The following GPC5 variants were observed in gnomAD, a reference collection of about 807,000 sequenced individuals.
GPC5 encodes glypican 5, also known as glypican-5.
In GPC5, 47 loss-of-function variants were observed where a neutral mutation model predicts 53.9. The observed-to-expected ratio is 0.87, with a 90% confidence interval of 0.69 to 1.11. GPC5 has a LOEUF of 1.11. Ranked by LOEUF, GPC5 falls within the 50% of genes most tolerant of loss-of-function variation. The pLI, the probability that GPC5 is intolerant of heterozygous loss-of-function variation, is 0.00. For synonymous variants in GPC5, 286 were observed against 263.3 expected, an observed-to-expected ratio of 1.09 and a Z score of -0.84; for missense variants, 748 against 713.1, an observed-to-expected ratio of 1.05 and a Z score of -0.56.
At chr13:91,770,765 C>G (rs2037610715) in intron 5 of GPC5, among the ~76,000 whole-genome samples, 1 of 146,846 alleles carries the variant, frequency 6.8e-6, no homozygotes, top group Admixed American at 6.9e-5. Context: ...TCTTATTTCA[C>G]ACAAGCAAAG....
At chr13:91,404,661 A>G (rs1258613086) in intron 1 of GPC5, among the ~76,000 whole-genome samples, 1 of 152,224 alleles carries the variant, frequency 6.6e-6, no homozygotes, top group Non-Finnish European at 1.5e-5. Flanking sequence ...GATTAGTTGC[A>G]TCAGGGCCAC....
chr13:92,660,745 T>TAA (rs1886313642), intron 7 of GPC5, among the ~76,000 whole-genome samples: 1 of 152,136 alleles, frequency 6.6e-6, no homozygotes, highest in South Asian at 2.1e-4. Context: ...AACAGATCTC[T>TAA]TAGTCTACAT....
intron 7 of GPC5, among the ~76,000 whole-genome samples, chr13:92,306,014 C>G (rs148156688): frequency 2.0e-5 from 3 of 152,130 alleles, no homozygotes; most frequent in Admixed American, 6.5e-5. Flanking sequence ...TGGGAAAGTA[C>G]GTGGACTGAG....
At chr13:92,292,028 C>A (rs2043000400) in intron 7 of GPC5, among the ~76,000 whole-genome samples, 1 of 152,320 alleles carries the variant, frequency 6.6e-6, no homozygotes, top group East Asian at 1.9e-4. Context: ...TCAGTGAGAC[C>A]AAGAACCCAC....
intron 7 of GPC5, among the ~76,000 whole-genome samples, chr13:92,612,442 G>A (rs1300358097): frequency 6.6e-6 from 1 of 151,982 alleles, no homozygotes; most frequent in Non-Finnish European, 1.5e-5. Context: ...TTATACATAT[G>A]ATATAAATAA....
At chr13:92,488,705 C>T (rs1429290120) in intron 7 of GPC5, among the ~76,000 whole-genome samples, 2 of 152,208 alleles carry the variant, frequency 1.3e-5, no homozygotes, top group Non-Finnish European at 2.9e-5. Context: ...TCAGAATTCA[C>T]AGCGATACTG....
intron 2 of GPC5, among the ~76,000 whole-genome samples, chr13:91,504,631 A>T (rs75630031): frequency 0.02 from 2,986 of 152,290 alleles, 36 homozygotes; most frequent in Non-Finnish European, 0.03. Context: ...ATAACCTTAA[A>T]TAATAAGACA....
intron 6 of GPC5, among the ~76,000 whole-genome samples, chr13:92,065,809 T>G (rs1431019920): frequency 1.3e-5 from 2 of 152,154 alleles, no homozygotes; most frequent in African/African-American, 4.8e-5. Context: ...TCAAAAATAT[T>G]TGTTGAAATT....
chr13:91,408,905 A>T (rs957545708), intron 1 of GPC5, among the ~76,000 whole-genome samples: 48 of 152,138 alleles, frequency 3.2e-4, no homozygotes, highest in African/African-American at 1.1e-3. Flanking sequence ...AATCTAGTTC[A>T]TGATTTCTTC....
chr13:92,083,390 A>G (rs575345633), intron 6 of GPC5, among the ~76,000 whole-genome samples: 1 of 152,308 alleles, frequency 6.6e-6, no homozygotes, highest in East Asian at 1.9e-4. Context: ...AGTAAGGTCT[A>G]GGTGACCTTT....
At chr13:91,962,221 T>TTG (rs1199219484) in intron 6 of GPC5, among the ~76,000 whole-genome samples, 1 of 152,098 alleles carries the variant, frequency 6.6e-6, no homozygotes, top group African/African-American at 2.4e-5. Context: ...AGCTCCTGGG[T>TTG]GGCATGGCAG....
At chr13:91,761,455 T>C (rs968342884) in intron 5 of GPC5, among the ~76,000 whole-genome samples, 5 of 152,098 alleles carry the variant, frequency 3.3e-5, no homozygotes, top group Non-Finnish European at 1.5e-5. Context: ...TCCCACAGGC[T>C]GGGAGCTCAG....
In GPC5 at chr13:91,693,560, T is replaced by C. The variant is rs1161521048; in HGVS notation, c.699T>C (p.Ile233=). ...RTFLQALNLG[I]EVINTTDYLH... Reference sequence around the variant, plus strand: ...TTCTGCAGGCACTCAATCTGGGCATTGAAGTCATCAACACCACAGACTATC... The same window carrying C: ...TTCTGCAGGCACTCAATCTGGGCATCGAAGTCATCAACACCACAGACTATC... The change falls in exon 3 of 8, where the codon ATT becomes ATC. Residue 233 remains isoleucine (I), a synonymous_variant. Transcript: ENST00000377067. 2 of 1,613,910 alleles carry C rather than the reference T, an allele frequency of 1.2e-6. No homozygotes were observed. The highest frequency in any genetic ancestry group is 3.3e-5 in the Admixed American group (2 of 59,986).
At chr13:92,312,719 A>G (rs1226013642) in intron 7 of GPC5, among the ~76,000 whole-genome samples, 1 of 152,138 alleles carries the variant, frequency 6.6e-6, no homozygotes, top group Non-Finnish European at 1.5e-5. Flanking sequence ...ATTAGAAAAA[A>G]AGAATTGTCT....
intron 7 of GPC5, among the ~76,000 whole-genome samples, chr13:92,341,493 T>G (rs996949723): frequency 1.3e-5 from 2 of 152,166 alleles, no homozygotes; most frequent in Non-Finnish European, 2.9e-5. Flanking sequence ...GTGAATAATT[T>G]CAAAGTAATG....
intron 7 of GPC5, among the ~76,000 whole-genome samples, chr13:92,383,472 T>C (rs947478539): frequency 3.9e-5 from 6 of 152,224 alleles, no homozygotes; most frequent in Non-Finnish European, 8.8e-5. Flanking sequence ...TTATTTAATT[T>C]TGCATACCTG....
At chr13:92,732,790 T>C (rs1888841684) in intron 7 of GPC5, among the ~76,000 whole-genome samples, 1 of 151,684 alleles carries the variant, frequency 6.6e-6, no homozygotes, top group Admixed American at 6.6e-5. Context: ...ACCGCTTCGA[T>C]GTCTCTACTG....
At chr13:91,478,824 C>CAT (rs36188475) in intron 2 of GPC5, among the ~76,000 whole-genome samples, 12 of 77,912 alleles carry the variant, frequency 1.5e-4, no homozygotes, top group East Asian at 5.1e-4. Context: ...TATATATATA[C>CAT]ACACACACAC....
At chr13:92,754,305 G>A (rs961524584) in intron 7 of GPC5, among the ~76,000 whole-genome samples, 3 of 152,134 alleles carry the variant, frequency 2.0e-5, no homozygotes, top group African/African-American at 7.2e-5. Context: ...CACCAGGCCT[G>A]CCCTAAAAGA....
Sources: gnomAD v4.1 joint callset for allele counts (sites outside exome capture counted in the v4.1 genomes callset) on GRCh38, gnomAD v4.1.1 for gene constraint, MANE v1.5 for transcripts, NCBI Gene and HGNC (gene_info 2026-07-23, HGNC 2026-07-21) for gene names.